PNPLA7: variants seen among roughly 807,000 people sequenced by gnomAD.
The protein encoded by PNPLA7 is patatin-like phospholipase domain-containing protein 7.
PNPLA7 carries 153 observed loss-of-function variants against 161.7 expected under a neutral mutation model. The observed-to-expected ratio is 0.95, with a 90% confidence interval of 0.83 to 1.08. PNPLA7 has a LOEUF of 1.08. Among genes scored for constraint, PNPLA7 ranks in the 50% least tolerant of loss-of-function variants. The pLI is 0.00. For synonymous variants in PNPLA7, 809 were observed against 782.1 expected (o/e 1.03, Z -0.57); for missense variants, 1,739 against 1,856.6 (o/e 0.94, Z 1.16).
At position 137,486,313 on chromosome 9, in the gene PNPLA7, G is replaced by A. The variant is rs539766927; in HGVS notation, c.2198-1577C>T. On this transcript the variant is annotated intron_variant, in intron 20 of 34. Coordinates refer to ENST00000406427, the MANE Select transcript of PNPLA7 (RefSeq NM_001098537.3). This position sits in a 1 kb window ranked among gnomAD's most constrained non-coding sequence, Gnocchi z 6.0. ...ACCTGCAAGATCCTGGGATGCACACGGCGCCGTGGCAGCACTGCGGGTAAG... is the reference window on the plus strand; with the variant it reads ...ACCTGCAAGATCCTGGGATGCACACAGCGCCGTGGCAGCACTGCGGGTAAG... 1.6e-4 allele frequency among the ~76,000 whole-genome samples: 24 copies of A among 152,292 alleles called. No homozygotes were observed. The highest frequency in any genetic ancestry group is 2.9e-4 in the Non-Finnish European group (20 of 68,022).
In PNPLA7 at chr9:137,519,909, G is replaced by A; in HGVS notation, c.1084+8C>T. On this transcript the variant is annotated splice_region_variant and intron_variant, in intron 11 of 34. Coordinates refer to ENST00000406427, the MANE Select transcript of PNPLA7 (RefSeq NM_001098537.3). The stretch of plus-strand genomic sequence containing the variant: ...CTGGACATTGCCCTCCTTGGTGCAG[G>A]ACAGTACCTGAGTCACAGGACTCCT... 3.1e-6 allele frequency: 5 copies of A among 1,611,070 alleles called. No individual in the cohort carries two copies. The highest frequency in any genetic ancestry group is 2.2e-5 in the East Asian group (1 of 44,880).
chr9:137,549,371 T>G (rs559496865), intron 1 of PNPLA7, among the ~76,000 whole-genome samples: 2 of 151,936 alleles, frequency 1.3e-5, no homozygotes, highest in South Asian at 4.2e-4. Flanking sequence ...ATCGAGACCA[T>G]CCTGGCTAAC....
rs1311975149 is a variant in PNPLA7, at chr9:137,478,386, C to T, written c.2764-234G>A. 4 of 371,902 alleles carry T rather than the reference C, an allele frequency of 1.1e-5. No homozygotes were observed. In the East Asian group the frequency reaches 1.6e-4, roughly 15 times the overall value. The allele number at this position is 371,902 out of a possible 1,614,324, so 23.0% of individuals were successfully genotyped here. A position where few individuals can be genotyped will look rare whatever the true frequency, so the allele number is the denominator to read the frequency against. The stretch of plus-strand genomic sequence containing the variant: ...AGGACACTGGCAGAGGGTACGTGGG[C>T]AAGAGAGTGGGCCCGGGTGGGGGGC... On this transcript the variant is annotated intron_variant, in intron 24 of 34. Transcript: ENST00000406427.
chr9:137,500,710 A>G lies in PNPLA7; in HGVS notation c.1738T>C (p.Ser580Pro), dbSNP rs113925267. 4.3e-6 allele frequency: 7 copies of G among 1,612,162 alleles called. No individual in the cohort carries two copies. The highest frequency in any genetic ancestry group is 2.7e-5 in the African/African-American group (2 of 74,878). ...ANRDCSFLSI[S>P]KAHFYEIMRK... ...ACTCACTCATAGAAGTGGGCCTTGG[A>G]GATGGACAGGAAGCTGCAGTCCCTG... Residue 580 changes from serine to proline, a missense_variant, in exon 16 of 35, where the codon TCC (serine) becomes CCC (proline). Around this residue, in one of 6 missense-constraint regions of PNPLA7, gnomAD observed 481 missense variants for 450.0 expected, o/e 1.07. Coordinates refer to ENST00000406427, the MANE Select transcript of PNPLA7 (RefSeq NM_001098537.3). This position sits in a 1 kb window ranked among gnomAD's most constrained non-coding sequence, Gnocchi z 5.5.
chr9:137,545,102 G>T (rs182572191), intron 4 of PNPLA7, among the ~76,000 whole-genome samples: 1 of 152,096 alleles, frequency 6.6e-6, no homozygotes, highest in Non-Finnish European at 1.5e-5. Context: ...GCAGGGAGGC[G>T]GCCAGGGGAG....
intron 23 of PNPLA7, 88 bp downstream of exon 23, chr9:137,480,224 T>C (rs960818924): frequency 1.4e-6 from 2 of 1,469,968 alleles, no homozygotes; most frequent in African/African-American, 2.8e-5. Context: ...TTTCTGAGTT[T>C]GTGCAGTATT....
In PNPLA7 at chr9:137,504,078, AGAAGAAG is replaced by A. The variant is rs1564326050; in HGVS notation, c.1473+1529_1473+1535del. On this transcript the variant is annotated intron_variant, in intron 14 of 34. Coordinates refer to ENST00000406427, the MANE Select transcript of PNPLA7 (RefSeq NM_001098537.3). Reference sequence around the variant, plus strand: ...GAAGAAGAAGAAAGAAGAAGGAAGAAGAAGAAGGAAGAAGAAGGAAGAAGAAGAAAGA... The same window carrying A: ...GAAGAAGAAGAAAGAAGAAGGAAGAAGAAGAAGAAGGAAGAAGAAGAAAGA... Among the ~76,000 whole-genome samples the A allele has an allele frequency of 4.1e-5, 6 of 145,264 alleles. No individual in the cohort carries two copies. The South Asian group carries it at 1.1e-3, about 26-fold the overall frequency.
In PNPLA7 at chr9:137,523,555, C is replaced by A. The variant is rs1835143209; in HGVS notation, c.748-698G>T. Among the ~76,000 whole-genome samples the A allele has an allele frequency of 6.6e-6, 1 of 151,954 alleles. No homozygotes were observed. Among genetic ancestry groups the A allele is most frequent in the African/African-American group, 2.4e-5 (1 of 41,342 alleles). ...GCTGTGATCTGCATGCAGGCAGATT[C>A]TTCTGGAAACTTGTTGGCTCTAGAG... is the stretch of plus-strand genomic sequence containing the variant. On this transcript the variant is annotated intron_variant, in intron 8 of 34. Coordinates refer to ENST00000406427, the MANE Select transcript of PNPLA7 (RefSeq NM_001098537.3). This position sits in a 1 kb window ranked among gnomAD's most constrained non-coding sequence, Gnocchi z 4.4.
At chr9:137,478,430 G>T (rs911614324) in intron 24 of PNPLA7, 4 of 324,882 alleles carry the variant, frequency 1.2e-5, no homozygotes, top group African/African-American at 2.1e-5. Flanking sequence ...GGGCCCGGGT[G>T]GGGGGCCAGA....
rs200977288 is a variant in PNPLA7 at position 137,463,506 on chromosome 9, G to A, written c.3252C>T (p.Ala1084=). The change falls in exon 29 of 35, where the codon GCC becomes GCT. Residue 1084 remains alanine, a synonymous_variant. Transcript: ENST00000406427. ...GCATGTAACCGGACAGGGACATGCTGGCACGCACGTACCACCACAGGGAGC... is the reference window on the plus strand; with the variant it reads ...GCATGTAACCGGACAGGGACATGCTAGCACGCACGTACCACCACAGGGAGC... ...TDGSLWWYVR[A]SMSLSGYMPP... is the part of the protein sequence containing the mutation. 1.2e-5 allele frequency: 19 copies of A among 1,587,734 alleles called. No individual in the cohort carries two copies. In the East Asian group the frequency reaches 3.9e-4, roughly 33 times the overall value.
intron 12 of PNPLA7, among the ~76,000 whole-genome samples, chr9:137,514,646 G>A (rs558602071): frequency 6.9e-6 from 1 of 145,898 alleles, no homozygotes; most frequent in African/African-American, 2.6e-5. Context: ...CGGGTCACCC[G>A]GATGTTGAGG....
chr9:137,516,834 A>ATAC (rs1834600803), intron 11 of PNPLA7, among the ~76,000 whole-genome samples: 1 of 149,860 alleles, frequency 6.7e-6, no homozygotes, highest in East Asian at 1.9e-4. Context: ...AATAATAATA[A>ATAC]TTATTATTAT....
intron 12 of PNPLA7, among the ~76,000 whole-genome samples, chr9:137,514,881 C>T (rs1431283359): frequency 2.1e-5 from 3 of 145,308 alleles, no homozygotes; most frequent in South Asian, 2.2e-4. Context: ...GGGCTGCAGG[C>T]GGGTCACTCG....
At chr9:137,498,711 GACCC>G (rs1833206103) in intron 16 of PNPLA7, among the ~76,000 whole-genome samples, 1 of 152,178 alleles carries the variant, frequency 6.6e-6, no homozygotes, top group Non-Finnish European at 1.5e-5. Context: ...TGGGGCCTCT[GACCC>G]GGGGAACACT....
rs532244437 is a variant in PNPLA7 at position 137,497,211 on chromosome 9, G to A, written c.1989C>T (p.Tyr663=). The change falls in exon 18 of 35, where the codon TAC becomes TAT. Residue 663 remains tyrosine (Y), a synonymous_variant. Coordinates refer to ENST00000406427, the MANE Select transcript of PNPLA7 (RefSeq NM_001098537.3). ...CCACGCCGACGAGGTCTCCTCGGCC[G>A]TACTCCCCGGCCAGGCGCTTCTTCC... ...DDGKKRLAGE[Y]GRGDLVGVVE... is the part of the protein sequence containing the mutation. 9.5e-6 allele frequency: 15 copies of A among 1,585,886 alleles called. No individual in the cohort carries two copies. The highest frequency in any genetic ancestry group is 3.5e-4 in the Middle Eastern group (2 of 5,692).
chr9:137,487,790 G>A (rs1327474453), intron 20 of PNPLA7, among the ~76,000 whole-genome samples: 1 of 152,176 alleles, frequency 6.6e-6, no homozygotes, highest in African/African-American at 2.4e-5. Flanking sequence ...TGGCCCCCGA[G>A]AGGCCGTCCC....
At chr9:137,501,581 T>C (rs1366536512) in intron 15 of PNPLA7, 69 bp downstream of exon 15, 7 of 1,467,508 alleles carry the variant, frequency 4.8e-6, no homozygotes, top group Admixed American at 3.8e-5. Flanking sequence ...GGCCCTCCTC[T>C]GGTGCTCCAC....
Position 137,504,995 on chromosome 9 carries a change from C to T in PNPLA7, c.1473+619G>A, listed in dbSNP as rs576692263. Among the ~76,000 whole-genome samples the T allele has an allele frequency of 3.9e-5, 6 of 152,126 alleles. No homozygotes were observed. In the East Asian group the frequency reaches 9.7e-4, roughly 24 times the overall value. On this transcript the variant is annotated intron_variant, in intron 14 of 34. Coordinates refer to ENST00000406427, the MANE Select transcript of PNPLA7 (RefSeq NM_001098537.3). ...TTTGAGGTCAGGAGTTCGAGACCAG[C>T]CTGGCCAACATGGTGAAACCCCGTC... is the stretch of plus-strand genomic sequence containing the variant.
chr9:137,512,070 G>A (rs1445285283), intron 12 of PNPLA7, among the ~76,000 whole-genome samples: 1 of 152,190 alleles, frequency 6.6e-6, no homozygotes, highest in African/African-American at 2.4e-5. Context: ...TCTGGGCCCA[G>A]CTGTCTTTCC....
Sources: gnomAD v4.1 joint callset for allele counts (sites outside exome capture counted in the v4.1 genomes callset) on GRCh38, gnomAD v4.1.1 for gene constraint, gnomAD v4.1.1 regional missense constraint, Gnocchi (gnomAD v3.1) non-coding constraint, MANE v1.5 for transcripts, NCBI Gene and HGNC (gene_info 2026-07-23, HGNC 2026-07-21) for gene names.